Variants in UFL1 observed in about 807,000 individuals in gnomAD.
UFL1 encodes UFM1 specific ligase 1, also known as E3 UFM1-protein ligase 1.
A neutral mutation model predicts 99.3 loss-of-function variants in UFL1; 78 were observed. That is an observed-to-expected ratio of 0.79 (90% CI 0.65 to 0.95). The LOEUF is 0.95. Ranked by LOEUF, UFL1 falls within the 40% of genes least tolerant of loss-of-function variation. The pLI is 0.00. For synonymous variants in UFL1, 335 were observed against 322.2 expected (o/e 1.04, Z -0.42); for missense variants, 936 against 937.0 (o/e 1.00, Z 0.01).
rs1770088964 is a variant in UFL1 at position 96,552,045 on chromosome 6, C to T, written c.1985+122C>T. The T allele has an allele frequency of 4.7e-6, 3 of 635,122 alleles. No homozygotes were observed. The South Asian group carries it at 7.0e-5, about 15-fold the overall frequency. 39.3% of individuals were successfully genotyped at this position (635,122 alleles called of 1,614,324 possible). A position where few individuals can be genotyped will look rare whatever the true frequency, so the allele number is the denominator to read the frequency against. ...TATGTACCTAATGTGTCTAATATAT[C>T]TAAATGGCTGTAGACCTTCAAGAAT... On this transcript the variant is annotated intron_variant, in intron 17 of 18. Transcript: ENST00000369278.
At chr6:96,542,580 GGAT>G (rs1769945867) in intron 11 of UFL1, among the ~76,000 whole-genome samples, 1 of 151,124 alleles carries the variant, frequency 6.6e-6, no homozygotes, top group Non-Finnish European at 1.5e-5. Context: ...GTGAAGGAAT[GGAT>G]TTTTGTTAAG....
intron 6 of UFL1, among the ~76,000 whole-genome samples, chr6:96,531,839 A>G (rs1255082005): frequency 1.3e-5 from 2 of 152,134 alleles, no homozygotes; most frequent in East Asian, 3.9e-4. Flanking sequence ...CCATCAAATA[A>G]TGAGAGGAAA....
intron 2 of UFL1, among the ~76,000 whole-genome samples, chr6:96,523,827 T>C (rs1403056914): frequency 1.3e-5 from 2 of 152,186 alleles, no homozygotes; most frequent in South Asian, 2.1e-4. Flanking sequence ...CCAAGCATAT[T>C]TGAATACTAT....
intron 4 of UFL1, 40 bp from the exon 5 acceptor site, chr6:96,526,281 C>G (rs1169651629): frequency 1.3e-6 from 2 of 1,513,594 alleles, no homozygotes; most frequent in Non-Finnish European, 1.8e-6. Flanking sequence ...AAAAACATTC[C>G]TAATTCTTTT....
chr6:96,549,261 T>G, intron 13 of UFL1, 151 bp from the exon 14 acceptor site: 1 of 557,754 alleles, frequency 1.8e-6, no homozygotes, highest in Non-Finnish European at 2.8e-6. Context: ...GTGGAACAAA[T>G]TGTTAGTGAA....
At chr6:96,534,502 G>A (rs1158524670) in intron 7 of UFL1, among the ~76,000 whole-genome samples, 181 bp downstream of exon 7, 4 of 150,368 alleles carry the variant, frequency 2.7e-5, no homozygotes, top group Admixed American at 6.6e-5. Context: ...CTCACCAAAC[G>A]TTTAATATTG....
chr6:96,531,666 A>G (rs1369466194), intron 6 of UFL1, among the ~76,000 whole-genome samples: 1 of 152,190 alleles, frequency 6.6e-6, no homozygotes, highest in Admixed American at 6.5e-5. Flanking sequence ...TACCCTGTTC[A>G]TTTATTACTT....
chr6:96,524,125 A>G (rs1230193262), intron 2 of UFL1, among the ~76,000 whole-genome samples: 2 of 151,928 alleles, frequency 1.3e-5, no homozygotes, highest in Non-Finnish European at 2.9e-5. Context: ...GATAGAGCCA[A>G]TTTGTGTGCC....
At chr6:96,542,541 C>T (rs531734521) in intron 11 of UFL1, among the ~76,000 whole-genome samples, 15 of 151,286 alleles carry the variant, frequency 9.9e-5, no homozygotes, top group African/African-American at 3.6e-4. Context: ...AAGGAGGACA[C>T]ATTTCTTTTG....
Position 96,525,316 on chromosome 6 carries a change from T to C in UFL1, c.272T>C (p.Ile91Thr). Reference protein sequence around the residue: ...DLQQVINVDLIHIENRIGDII... With the variant: ...DLQQVINVDLTHIENRIGDII... ...TTCCAGGTAATTAATGTGGACCTGA[T>C]TCATATTGAAAATAGAATTGGTGAC... The change falls in exon 4 of 19, where the codon ATT becomes ACT. Residue 91 changes from isoleucine to threonine, a missense_variant. Ile to Thr is a moderately conservative substitution (Grantham distance 89). Coordinates refer to ENST00000369278, the MANE Select transcript of UFL1 (RefSeq NM_015323.5). 2 of 1,607,676 alleles carry C rather than the reference T, an allele frequency of 1.2e-6. No individual in the cohort carries two copies. Among genetic ancestry groups the C allele is most frequent in the South Asian group, 2.2e-5 (2 of 89,618 alleles).
chr6:96,533,799 C>CAA (rs5878435), intron 6 of UFL1, among the ~76,000 whole-genome samples: 2,947 of 113,522 alleles, frequency 0.026, 69 homozygotes, highest in African/African-American at 0.06. Context: ...TACTCAAAAG[C>CAA]AAAAAAAAAA....
chr6:96,527,002 A>G (rs1178169623), intron 5 of UFL1, among the ~76,000 whole-genome samples: 1 of 152,182 alleles, frequency 6.6e-6, no homozygotes, highest in Non-Finnish European at 1.5e-5. Context: ...AACAGTCAGT[A>G]TGATAGGAAG....
intron 6 of UFL1, among the ~76,000 whole-genome samples, chr6:96,532,713 A>G (rs755321310): frequency 6.6e-6 from 1 of 151,998 alleles, no homozygotes; most frequent in African/African-American, 2.4e-5. Flanking sequence ...GCAGCTTGAA[A>G]CCCTCAAAAA....
In UFL1 at chr6:96,524,382, G is replaced by T; in HGVS notation, c.224G>T (p.Gly75Val). The change falls in exon 3 of 19, where the codon GGT (glycine) becomes GTT (valine). Residue 75 changes from glycine to valine, a missense_variant and splice_region_variant. Transcript: ENST00000369278. ...EMRDELHVRG[G>V]RVNIVDLQQV... ...ATAAATGAATGTCTTTTCTTCAAAG[G>T]TCGAGTAAACATTGTTGATCTACAA... 1 of 1,588,984 alleles carries T rather than the reference G, an allele frequency of 6.3e-7. No homozygotes were observed. Among genetic ancestry groups the T allele is most frequent in the Non-Finnish European group, 8.5e-7 (1 of 1,170,632 alleles).
chr6:96,546,732 C>T (rs113978792), intron 12 of UFL1, among the ~76,000 whole-genome samples: 3,356 of 151,668 alleles, frequency 0.022, 50 homozygotes, highest in Non-Finnish European at 0.03. Context: ...ACCAACTGAT[C>T]TTGGACAGGG....
At chr6:96,552,380 A>T (rs1024785585) in intron 17 of UFL1, 102 bp from the exon 18 acceptor site, 60 of 1,297,944 alleles carry the variant, frequency 4.6e-5, no homozygotes, top group East Asian at 7.8e-5. Context: ...ATGGAATTAG[A>T]TAAACTAGAG....
intron 9 of UFL1, among the ~76,000 whole-genome samples, chr6:96,538,156 G>A (rs1769879128): frequency 1.3e-5 from 2 of 151,662 alleles, no homozygotes; most frequent in South Asian, 2.1e-4. Flanking sequence ...TGTGTGCCAG[G>A]CACCGTTCTA....
At position 96,525,311 on chromosome 6, in the gene UFL1, C is replaced by T. The variant is rs1769683043; in HGVS notation, c.267C>T (p.Asp89=). Residue 89 remains aspartate, a synonymous_variant, in exon 4 of 19, where the codon GAC becomes GAT. Transcript: ENST00000369278. ...TTGTTTTCCAGGTAATTAATGTGGA[C>T]CTGATTCATATTGAAAATAGAATTG... ...IVDLQQVINV[D]LIHIENRIGD... is the part of the protein sequence containing the mutation. 6.2e-7 allele frequency: 1 copy of T among 1,604,370 alleles called. No homozygotes were observed. Among genetic ancestry groups the T allele is most frequent in the Non-Finnish European group, 8.5e-7 (1 of 1,175,354 alleles).
Position 96,542,880 on chromosome 6 carries a change from C to A in UFL1, c.1280-14C>A. ...TTAGTTAGGTAATGCTAACTAATGT[C>A]ATTTTCCCACCAGAGGGCAGTGGAA... On this transcript the variant is annotated splice_polypyrimidine_tract_variant and intron_variant, in intron 11 of 18. Coordinates refer to ENST00000369278, the MANE Select transcript of UFL1 (RefSeq NM_015323.5). 1.3e-6 allele frequency: 2 copies of A among 1,554,814 alleles called. No individual in the cohort carries two copies. Among genetic ancestry groups the A allele is most frequent in the Non-Finnish European group, 1.7e-6 (2 of 1,156,708 alleles).
Sources: allele counts gnomAD v4.1 joint callset (sites outside exome capture counted in the v4.1 genomes callset), GRCh38; gene constraint gnomAD v4.1.1; transcripts MANE v1.5; gene names NCBI Gene and HGNC (gene_info 2026-07-23, HGNC 2026-07-21).